The following TBC1D32 variants were observed in gnomAD, a reference collection of about 807,000 sequenced individuals.
TBC1D32 encodes the protein TBC1 domain family member 32, also known as protein broad-minded.
TBC1D32 carries 151 observed loss-of-function variants against 170.3 expected under a neutral mutation model. The observed-to-expected ratio is 0.89, with a 90% CI of 0.78 to 1.01. TBC1D32 has a LOEUF of 1.01. Among genes scored for constraint, TBC1D32 ranks in the 50% least tolerant of loss-of-function variants. TBC1D32 has a pLI of 0.00. For missense variants in TBC1D32, 1,464 were observed against 1,457.1 expected, an observed-to-expected ratio of 1.00 and a Z score of -0.08; for synonymous variants, 498 against 488.0, an observed-to-expected ratio of 1.02 and a Z score of -0.27.
chr6:121,101,519 CT>C (rs1179377266), intron 30 of TBC1D32, among the ~76,000 whole-genome samples: 12 of 152,070 alleles, frequency 7.9e-5, no homozygotes, highest in African/African-American at 2.9e-4. Context: ...CAGAAAAGGC[CT>C]TTGACAAAAT....
intron 22 of TBC1D32, among the ~76,000 whole-genome samples, chr6:121,177,906 G>A (rs995880863): frequency 2.6e-5 from 4 of 152,218 alleles, no homozygotes; most frequent in Middle Eastern, 3.4e-3. Context: ...ACAATACTAG[G>A]TAGGTGTATT....
At chr6:121,334,567 G>T (rs373111993), upstream of TBC1D32, 2 of 1,040,172 alleles carry the variant, frequency 1.9e-6, no homozygotes, top group South Asian at 3.4e-5. Flanking sequence ...GAGCGCCTGT[G>T]CCTGCGCCCT....
chr6:121,160,734 T>C (rs914772581), intron 23 of TBC1D32, among the ~76,000 whole-genome samples: 1 of 152,224 alleles, frequency 6.6e-6, no homozygotes, highest in Non-Finnish European at 1.5e-5. Context: ...ATGCAAACAA[T>C]ACATACCCTA....
chr6:121,238,819 G>A (rs1796618237), intron 20 of TBC1D32, among the ~76,000 whole-genome samples: 1 of 151,712 alleles, frequency 6.6e-6, no homozygotes, highest in Non-Finnish European at 1.5e-5. Context: ...CATTAAGGGA[G>A]AAAAACTTTA....
At chr6:121,215,936 AT>A (rs1349919953) in intron 21 of TBC1D32, among the ~76,000 whole-genome samples, 5 of 152,392 alleles carry the variant, frequency 3.3e-5, no homozygotes, top group Admixed American at 1.3e-4. Flanking sequence ...TGTGGAAAGC[AT>A]TGTAGCAATT....
intron 24 of TBC1D32, among the ~76,000 whole-genome samples, chr6:121,153,463 T>TATGG (rs1358513412): frequency 1.3e-5 from 2 of 152,158 alleles, no homozygotes; most frequent in African/African-American, 4.8e-5. Context: ...CATCTGGAGG[T>TATGG]ATGGGGTCAG....
chr6:121,108,531 A>C (rs890363461), intron 29 of TBC1D32, among the ~76,000 whole-genome samples: 3 of 152,108 alleles, frequency 2.0e-5, no homozygotes, highest in African/African-American at 7.2e-5. Flanking sequence ...AAGTGCAAAA[A>C]AATTGTCAAT....
At chr6:121,271,956 A>T (rs1187116775) in intron 15 of TBC1D32, among the ~76,000 whole-genome samples, 4 of 152,110 alleles carry the variant, frequency 2.6e-5, no homozygotes, top group African/African-American at 7.2e-5. Context: ...AATACCACAC[A>T]TCTACAACCA....
intron 22 of TBC1D32, among the ~76,000 whole-genome samples, chr6:121,188,800 A>G (rs1161345681): frequency 6.6e-6 from 1 of 152,168 alleles, no homozygotes; most frequent in African/African-American, 2.4e-5. Context: ...AATAGTGGTT[A>G]GTAGACATCA....
chr6:121,253,627 G>A (rs1406076905), intron 17 of TBC1D32, among the ~76,000 whole-genome samples: 1 of 152,104 alleles, frequency 6.6e-6, no homozygotes, highest in Non-Finnish European at 1.5e-5. Context: ...GCTGAGGCAG[G>A]AGAATGGCGT....
intron 24 of TBC1D32, among the ~76,000 whole-genome samples, chr6:121,137,823 A>G (rs1782306553): frequency 6.7e-6 from 1 of 149,592 alleles, no homozygotes; most frequent in African/African-American, 2.5e-5. Context: ...AAAGGAAAAC[A>G]TGCAATCTAC....
At chr6:121,258,072 G>GAATTT (rs1799277826) in intron 15 of TBC1D32, among the ~76,000 whole-genome samples, 1 of 151,708 alleles carries the variant, frequency 6.6e-6, no homozygotes, top group Admixed American at 6.6e-5. Flanking sequence ...TTTCTATTAT[G>GAATTT]AAGATTTAGG....
At chr6:121,195,560 T>G (rs1790614775) in intron 22 of TBC1D32, among the ~76,000 whole-genome samples, 1 of 152,100 alleles carries the variant, frequency 6.6e-6, no homozygotes, top group South Asian at 2.1e-4. Context: ...AAGTGGAAGT[T>G]GTACATATGT....
At chr6:121,146,826 T>A (rs557151874) in intron 24 of TBC1D32, among the ~76,000 whole-genome samples, 20 of 152,320 alleles carry the variant, frequency 1.3e-4, no homozygotes, top group Middle Eastern at 3.4e-3. Flanking sequence ...TTGTATTTTT[T>A]AAATTTTAGA....
At chr6:121,154,677 A>G (rs1489616527) in intron 24 of TBC1D32, among the ~76,000 whole-genome samples, 1 of 152,250 alleles carries the variant, frequency 6.6e-6, no homozygotes, top group Non-Finnish European at 1.5e-5. Flanking sequence ...CATTGTAACA[A>G]AAACAAAAAT....
chr6:121,106,050 A>G lies in TBC1D32; in HGVS notation c.3438T>C (p.Phe1146=). 6.2e-7 allele frequency: 1 copy of G among 1,608,118 alleles called. No individual in the cohort carries two copies. The highest frequency in any genetic ancestry group is 8.5e-7 in the Non-Finnish European group (1 of 1,175,898). Residue 1146 remains phenylalanine (F), a synonymous_variant, in exon 30 of 32, where the codon TTT becomes TTC. Coordinates refer to ENST00000398212, the MANE Select transcript of TBC1D32 (RefSeq NM_152730.6). The stretch of plus-strand genomic sequence containing the variant: ...GTGATGGTGCAAAACCAGACATGTG[A>G]AAAGCTGAAAACACAAGAGGCAACT... ...KAELPLVFSA[F]HMSGFAPSQI...
At chr6:121,194,863 C>T (rs938714768) in intron 22 of TBC1D32, among the ~76,000 whole-genome samples, 1 of 152,164 alleles carries the variant, frequency 6.6e-6, no homozygotes, top group Non-Finnish European at 1.5e-5. Context: ...ATCCAGTGAG[C>T]AAGAAGTAGC....
chr6:121,095,415 AC>A (rs776154327), intron 30 of TBC1D32, among the ~76,000 whole-genome samples: 3 of 152,106 alleles, frequency 2.0e-5, no homozygotes, highest in Non-Finnish European at 2.9e-5. Context: ...CTATTTGAAT[AC>A]CCTTTATTTC....
chr6:121,092,754 G>A (rs189584322), intron 30 of TBC1D32, among the ~76,000 whole-genome samples: 1 of 152,120 alleles, frequency 6.6e-6, no homozygotes, highest in African/African-American at 2.4e-5. Context: ...AAAGACACTT[G>A]TGATATTGGA....
Sources: allele counts gnomAD v4.1 joint callset (sites outside exome capture counted in the v4.1 genomes callset), GRCh38; gene constraint gnomAD v4.1.1; transcripts MANE v1.5; gene names NCBI Gene and HGNC (gene_info 2026-07-23, HGNC 2026-07-21).